RIC8B: variants seen among roughly 807,000 people sequenced by gnomAD.
RIC8B encodes the protein chaperone Ric-8B.
In RIC8B, 16 loss-of-function variants were observed where a neutral mutation model predicts 57.5. The observed-to-expected ratio is 0.28, with a 90% CI of 0.19 to 0.42. RIC8B has a LOEUF of 0.42. RIC8B is among the 10% of genes least tolerant of loss of function. The pLI, the probability that RIC8B is intolerant of heterozygous loss-of-function variation, is 1.00. For synonymous variants in RIC8B, 216 were observed against 250.8 expected (o/e 0.86, Z 1.31); for missense variants, 481 against 677.0 (o/e 0.71, Z 3.21).
chr12:106,823,147 C>T (rs2045927709), intron 3 of RIC8B: 1 of 215,162 alleles, frequency 4.6e-6, no homozygotes, highest in Non-Finnish European at 9.6e-6. Flanking sequence ...AAACACACAC[C>T]CTCTTTCCTC....
chr12:106,778,206 G>A (rs1267995535), intron 1 of RIC8B, among the ~76,000 whole-genome samples: 1 of 152,174 alleles, frequency 6.6e-6, no homozygotes, highest in Non-Finnish European at 1.5e-5. Context: ...TTTTTCTAAT[G>A]GGTAGCAAAA....
At chr12:106,824,998 C>T (rs142861057) in intron 3 of RIC8B, among the ~76,000 whole-genome samples, 1,769 of 152,178 alleles carry the variant, frequency 0.012, 15 homozygotes, top group Middle Eastern at 0.048. Flanking sequence ...GGCTCTCTAT[C>T]ACAATTGTCT....
At chr12:106,830,392 C>T (rs1427997337) in intron 4 of RIC8B, among the ~76,000 whole-genome samples, 1 of 152,112 alleles carries the variant, frequency 6.6e-6, no homozygotes, top group Admixed American at 6.5e-5. Context: ...TGTTGAGTAA[C>T]AAAGGTGAAT....
intron 6 of RIC8B, among the ~76,000 whole-genome samples, chr12:106,851,143 T>C (rs571638797): frequency 4.6e-5 from 7 of 152,116 alleles, no homozygotes; most frequent in Admixed American, 1.3e-4. Context: ...TGGATTTTCA[T>C]AGAGGCAAGT....
At position 106,778,253 on chromosome 12, in the gene RIC8B, C is replaced by T. The variant is rs183546480; in HGVS notation, c.84+3424C>T. On this transcript the variant is annotated intron_variant, in intron 1 of 9. Transcript: ENST00000392837. ...ACCGCTTTTAGAGATACCTGTCGGG[C>T]TCCGGGAAACATCTAATTTCTACTG... 8.0e-4 allele frequency among the ~76,000 whole-genome samples: 122 copies of T among 152,284 alleles called. 1 individual carries two copies. The highest frequency in any genetic ancestry group is 1.0e-3 in the South Asian group (5 of 4,814).
chr12:106,838,718 G>T (rs1034908941), intron 4 of RIC8B, among the ~76,000 whole-genome samples: 3 of 151,640 alleles, frequency 2.0e-5, no homozygotes, highest in Non-Finnish European at 4.4e-5. Context: ...CACAGCAAAG[G>T]AAACAGTCAA....
chr12:106,865,432 AT>A (rs1289016327), intron 8 of RIC8B, among the ~76,000 whole-genome samples: 3 of 152,258 alleles, frequency 2.0e-5, no homozygotes, highest in African/African-American at 4.8e-5. Flanking sequence ...AGCATCTATT[AT>A]TTTTCTTTGA....
intron 2 of RIC8B, among the ~76,000 whole-genome samples, chr12:106,800,893 T>C (rs748231495): frequency 9.9e-5 from 15 of 152,046 alleles, no homozygotes; most frequent in Admixed American, 4.6e-4. Context: ...CACCAAGATA[T>C]GAGGTATATG....
chr12:106,774,731 C>A lies in RIC8B; in HGVS notation c.-15C>A. On this transcript the variant is annotated 5_prime_UTR_variant, in exon 1 of 10. Coordinates refer to ENST00000392837, the MANE Select transcript of RIC8B (RefSeq NM_001330145.2). ...GGGCGCGCAGAGCGGCCGCGGCTCC[C>A]CCGCACCTGCGGCCATGGATGAGGA... 1 of 1,546,430 alleles carries A rather than the reference C, an allele frequency of 6.5e-7. No individual in the cohort carries two copies. The highest frequency in any genetic ancestry group is 1.2e-5 in the South Asian group (1 of 83,712).
At chr12:106,792,492 C>A (rs1170249705) in intron 2 of RIC8B, among the ~76,000 whole-genome samples, 2 of 152,172 alleles carry the variant, frequency 1.3e-5, no homozygotes, top group Non-Finnish European at 2.9e-5. Flanking sequence ...TCAAGAAGTT[C>A]CGCTTCCAGC....
intron 1 of RIC8B, among the ~76,000 whole-genome samples, chr12:106,782,455 G>A (rs968555993): frequency 6.6e-6 from 1 of 152,184 alleles, no homozygotes; most frequent in Non-Finnish European, 1.5e-5. Flanking sequence ...TATGTCCTTA[G>A]TCTTGCTTTC....
chr12:106,846,925 A>G (rs963902912), intron 6 of RIC8B, among the ~76,000 whole-genome samples: 3 of 152,198 alleles, frequency 2.0e-5, no homozygotes, highest in African/African-American at 7.2e-5. Context: ...CCTTCTGAAG[A>G]GGATGCACTG....
chr12:106,802,430 A>G (rs1033609557), intron 2 of RIC8B, among the ~76,000 whole-genome samples: 2 of 152,174 alleles, frequency 1.3e-5, no homozygotes, highest in African/African-American at 4.8e-5. Flanking sequence ...ATAATGGACA[A>G]AAAAGCAGGG....
chr12:106,820,172 C>A (rs1446444540), intron 3 of RIC8B, among the ~76,000 whole-genome samples: 1 of 152,194 alleles, frequency 6.6e-6, no homozygotes, highest in Non-Finnish European at 1.5e-5. Context: ...TGACCACTTT[C>A]ATTTACAGTT....
chr12:106,827,151 G>A (rs1210324101), intron 4 of RIC8B, among the ~76,000 whole-genome samples: 2 of 152,144 alleles, frequency 1.3e-5, no homozygotes, highest in African/African-American at 4.8e-5. Context: ...AAAATTTATT[G>A]TACTCTGAGA....
chr12:106,812,271 A>G (rs1346573324), intron 2 of RIC8B, among the ~76,000 whole-genome samples: 1 of 152,170 alleles, frequency 6.6e-6, no homozygotes, highest in African/African-American at 2.4e-5. Context: ...TAGATGAAGC[A>G]GTTTTTAACT....
chr12:106,866,478 T>C (rs190310078), intron 8 of RIC8B, among the ~76,000 whole-genome samples: 3 of 152,270 alleles, frequency 2.0e-5, no homozygotes, highest in Admixed American at 2.0e-4. Flanking sequence ...TGGAAAGTTG[T>C]TTTAGTTTCA....
At chr12:106,804,429 G>C (rs775016173) in intron 2 of RIC8B, among the ~76,000 whole-genome samples, 27 of 152,134 alleles carry the variant, frequency 1.8e-4, no homozygotes, top group Non-Finnish European at 5.9e-5. Flanking sequence ...TGGCCAGGCT[G>C]GTCTCGGAAC....
chr12:106,877,452 G>C (rs1950719885), intron 9 of RIC8B, among the ~76,000 whole-genome samples: 1 of 152,132 alleles, frequency 6.6e-6, no homozygotes, highest in Admixed American at 6.5e-5. Flanking sequence ...AGAGAACTAA[G>C]ATTTAGAGGA....
Sources: gnomAD v4.1 joint callset for allele counts (sites outside exome capture counted in the v4.1 genomes callset) on GRCh38, gnomAD v4.1.1 for gene constraint, MANE v1.5 for transcripts, NCBI Gene and HGNC (gene_info 2026-07-23, HGNC 2026-07-21) for gene names.